FBXO34: variants seen among roughly 807,000 people sequenced by gnomAD.
FBXO34 encodes F-box only protein 34.
A neutral mutation model predicts 24.5 loss-of-function variants in FBXO34; 12 were observed. The observed-to-expected ratio is 0.49, with a 90% CI of 0.31 to 0.79. The LOEUF (loss-of-function observed/expected upper bound fraction) is 0.79, where lower values mean the gene tolerates loss of function less well. FBXO34 is among the 30% of genes least tolerant of loss of function. FBXO34 has a pLI of 0.04. For synonymous variants in FBXO34, 320 were observed against 311.9 expected (o/e 1.03, Z -0.27); for missense variants, 823 against 857.7 (o/e 0.96, Z 0.51).
the FBXO34 span, chr14:55,385,763 C>A: frequency 1.2e-5 from 13 of 1,068,920 alleles, no homozygotes; most frequent in Admixed American, 2.8e-4. Context: ...AAACCAATGA[C>A]CCTAGAATAA....
At chr14:55,302,887 T>C (rs1882412475) in intron 1 of FBXO34, among the ~76,000 whole-genome samples, 1 of 152,200 alleles carries the variant, frequency 6.6e-6, no homozygotes, top group Admixed American at 6.5e-5. Context: ...GGGACTTGCC[T>C]TTGGTTTGAA....
At chr14:55,392,189 T>C in the FBXO34 span, among the ~76,000 whole-genome samples, 2 of 152,156 alleles carry the variant, frequency 1.3e-5, no homozygotes. Context: ...CTATGGAAAC[T>C]AATGCCACCA....
chr14:55,348,585 T>G (rs1275227288), intron 1 of FBXO34, among the ~76,000 whole-genome samples: 1 of 151,806 alleles, frequency 6.6e-6, no homozygotes, highest in Non-Finnish European at 1.5e-5. Context: ...ATAAACTTGG[T>G]CCCAAACTCC....
At chr14:55,394,008 T>TC in the FBXO34 span, among the ~76,000 whole-genome samples, 1 of 149,546 alleles carries the variant, frequency 6.7e-6, no homozygotes, top group African/African-American at 2.4e-5. Flanking sequence ...TATCATAATT[T>TC]TTTTTTTTTT....
At chr14:55,323,439 A>T (rs188509914) in intron 1 of FBXO34, among the ~76,000 whole-genome samples, 114 of 149,064 alleles carry the variant, frequency 7.6e-4, no homozygotes, top group African/African-American at 2.7e-3. Flanking sequence ...CTTGAGTGCT[A>T]TAGTGTGATC....
chr14:55,411,868 C>A, the FBXO34 span: 2 of 1,518,400 alleles, frequency 1.3e-6, no homozygotes, highest in Non-Finnish European at 1.8e-6. Flanking sequence ...TGTTTTCAAC[C>A]GGGTGCATTC....
At chr14:55,436,758 G>A in the FBXO34 span, 1 of 1,614,160 alleles carries the variant, frequency 6.2e-7, no homozygotes, top group African/African-American at 1.3e-5. Flanking sequence ...CCTGTTCGCT[G>A]GGTGATGGCA....
intron 1 of FBXO34, among the ~76,000 whole-genome samples, chr14:55,347,845 T>C (rs1884209077): frequency 1.3e-5 from 2 of 152,226 alleles, no homozygotes; most frequent in South Asian, 2.1e-4. Flanking sequence ...GGCGCACATA[T>C]TGCTAAAGTT....
At chr14:55,382,054 C>A in the FBXO34 span, 1 of 1,614,064 alleles carries the variant, frequency 6.2e-7, no homozygotes, top group Admixed American at 1.7e-5. Flanking sequence ...CCCTGTAATG[C>A]TAATGCTGGT....
chr14:55,429,122 C>T, the FBXO34 span: 6 of 945,998 alleles, frequency 6.3e-6, no homozygotes, highest in Admixed American at 8.5e-5. Flanking sequence ...ACTTACTTCC[C>T]ATACTTTCGT....
chr14:55,334,206 C>T (rs147337304), intron 1 of FBXO34, among the ~76,000 whole-genome samples: 5 of 152,216 alleles, frequency 3.3e-5, no homozygotes, highest in East Asian at 1.9e-4. Context: ...GAAAGCAGGG[C>T]GCTAATCAGG....
the FBXO34 span, among the ~76,000 whole-genome samples, chr14:55,387,303 T>C: frequency 1.3e-5 from 2 of 152,186 alleles, no homozygotes; most frequent in Non-Finnish European, 2.9e-5. Context: ...TTTCAAATCC[T>C]TTCTGCAAGA....
chr14:55,429,318 T>G, the FBXO34 span, among the ~76,000 whole-genome samples: 1 of 152,238 alleles, frequency 6.6e-6, no homozygotes, highest in Non-Finnish European at 1.5e-5. Flanking sequence ...TGGGAACTTG[T>G]TAGAAATGCA....
At chr14:55,334,753 C>G (rs925313325) in intron 1 of FBXO34, among the ~76,000 whole-genome samples, 2 of 152,132 alleles carry the variant, frequency 1.3e-5, no homozygotes, top group African/African-American at 4.8e-5. Flanking sequence ...AAAATCCTAC[C>G]AAAATCACTT....
At chr14:55,305,794 G>T (rs1014507310) in intron 1 of FBXO34, among the ~76,000 whole-genome samples, 1 of 152,112 alleles carries the variant, frequency 6.6e-6, no homozygotes, top group Non-Finnish European at 1.5e-5. Flanking sequence ...TTCCCGATCT[G>T]AATTTTATCC....
At chr14:55,414,571 G>A in the FBXO34 span, 2 of 685,040 alleles carry the variant, frequency 2.9e-6, no homozygotes, top group South Asian at 2.5e-5. Context: ...CTCTTTAGCT[G>A]TACCTGAGAA....
the FBXO34 span, chr14:55,377,838 T>C: frequency 6.3e-7 from 1 of 1,595,516 alleles, no homozygotes; most frequent in South Asian, 1.1e-5. Context: ...TGTTCAGAGC[T>C]TGGACTGACC....
the FBXO34 span, among the ~76,000 whole-genome samples, chr14:55,442,054 T>C: frequency 1.3e-5 from 2 of 151,278 alleles, no homozygotes; most frequent in African/African-American, 4.9e-5. Context: ...CGAGCCACCG[T>C]GTCTGGCCTA....
rs555831457 is a variant in FBXO34 at position 55,295,371 on chromosome 14, G to A, written c.-11+23834G>A. Among the ~76,000 whole-genome samples, 125 of 150,426 alleles carry A rather than the reference G, an allele frequency of 8.3e-4. 1 individual carries two copies. Among genetic ancestry groups the A allele is most frequent in the Non-Finnish European group, 1.5e-3 (99 of 67,726 alleles). On this transcript the variant is annotated intron_variant, in intron 1 of 1. Transcript: ENST00000313833. Reference sequence around the variant, plus strand: ...CTATTCTATATAATGGCTCTATGAGGTAAATATTCTTTTCTATTTTTTTTT... The same window carrying A: ...CTATTCTATATAATGGCTCTATGAGATAAATATTCTTTTCTATTTTTTTTT...
Sources: gnomAD v4.1 joint callset for allele counts (sites outside exome capture counted in the v4.1 genomes callset) on GRCh38, gnomAD v4.1.1 for gene constraint, MANE v1.5 for transcripts, NCBI Gene and HGNC (gene_info 2026-07-23, HGNC 2026-07-21) for gene names.